FRMD3: variants seen among roughly 807,000 people sequenced by gnomAD.
FRMD3 encodes the protein FERM domain containing 3, also known as FERM domain-containing protein 3.
A neutral mutation model predicts 70.2 loss-of-function variants in FRMD3; 33 were observed. The observed-to-expected ratio is 0.47, with a 90% confidence interval of 0.36 to 0.63. The LOEUF (loss-of-function observed/expected upper bound fraction) is 0.63. FRMD3 is among the 20% of genes least tolerant of loss of function. FRMD3 has a pLI of 0.00. For missense variants in FRMD3, 632 were observed against 711.4 expected (o/e 0.89, Z 1.27); for synonymous variants, 279 against 255.9 (o/e 1.09, Z -0.86).
At chr9:83,527,342 C>T (rs1829705779) in intron 1 of FRMD3, among the ~76,000 whole-genome samples, 2 of 152,286 alleles carry the variant, frequency 1.3e-5, no homozygotes, top group South Asian at 4.1e-4. Context: ...TCATTCCATA[C>T]CCAGCAACAG....
chr9:83,285,687 T>C (rs1009084176), intron 13 of FRMD3, among the ~76,000 whole-genome samples: 5 of 152,168 alleles, frequency 3.3e-5, no homozygotes, highest in African/African-American at 7.2e-5. Context: ...TGAGAACATA[T>C]ACTCTACTGA....
At chr9:83,300,793 G>T (rs978188943) in intron 10 of FRMD3, among the ~76,000 whole-genome samples, 18 of 151,978 alleles carry the variant, frequency 1.2e-4, no homozygotes, top group African/African-American at 4.4e-4. Context: ...TCCTAATAAA[G>T]ATAAGTGAAT....
At chr9:83,578,188 A>C in the FRMD3 span, among the ~76,000 whole-genome samples, 18 of 152,068 alleles carry the variant, frequency 1.2e-4, no homozygotes, top group African/African-American at 4.3e-4. Context: ...CGTAATAAAA[A>C]ATTACCTCAT....
chr9:83,376,212 A>G (rs913151839), intron 2 of FRMD3, among the ~76,000 whole-genome samples: 1 of 150,844 alleles, frequency 6.6e-6, no homozygotes, highest in African/African-American at 2.4e-5. Context: ...TCCATGGCCC[A>G]GTAAGTTCTT....
chr9:83,357,223 ATTT>A (rs1181909046), intron 3 of FRMD3, among the ~76,000 whole-genome samples: 208 of 19,274 alleles, frequency 0.011, 19 homozygotes, highest in East Asian at 0.037. Flanking sequence ...GAATATATAT[ATTT>A]TATATATATA....
chr9:83,517,534 G>A (rs1213650297), intron 1 of FRMD3, among the ~76,000 whole-genome samples: 1 of 147,684 alleles, frequency 6.8e-6, no homozygotes, highest in Non-Finnish European at 1.5e-5. Flanking sequence ...TAGGACCGAT[G>A]GATTCACAGG....
In FRMD3 at chr9:83,538,292, G is replaced by T; in HGVS notation, c.-61C>A. On this transcript the variant is annotated 5_prime_UTR_variant, in exon 1 of 14. Transcript: ENST00000304195. This position sits in a 1 kb window ranked among gnomAD's most constrained non-coding sequence, Gnocchi z 4.7. ...GGCCGGCGCGGTGCTCGCCTGCGCG[G>T]ACACACACGCTCGCACGCACTGTCC... The T allele has an allele frequency of 6.6e-7, 1 of 1,504,808 alleles. No homozygotes were observed. Among genetic ancestry groups the T allele is most frequent in the South Asian group, 1.3e-5 (1 of 79,372 alleles). 93.2% of individuals were successfully genotyped at this position (1,504,808 alleles called of 1,614,324 possible). A position where few individuals can be genotyped will look rare whatever the true frequency, so the allele number is the denominator to read the frequency against.
chr9:83,538,760 CA>C (rs1318438400), upstream of FRMD3, among the ~76,000 whole-genome samples: 18 of 152,314 alleles, frequency 1.2e-4, no homozygotes, highest in African/African-American at 4.3e-4. The surrounding 1 kb of genome is among the most constrained non-coding windows in gnomAD (Gnocchi z 4.7). Context: ...CCCGGCTCCC[CA>C]ACGCGCTCGA....
chr9:83,370,606 T>C (rs1824939376), intron 3 of FRMD3, among the ~76,000 whole-genome samples: 1 of 152,144 alleles, frequency 6.6e-6, no homozygotes, highest in Non-Finnish European at 1.5e-5. Context: ...TTTACACCAT[T>C]CTAATAAGAC....
the FRMD3 span, among the ~76,000 whole-genome samples, chr9:83,545,559 G>GT: frequency 6.6e-6 from 1 of 151,650 alleles, no homozygotes; most frequent in East Asian, 1.9e-4. Context: ...GGGTTTCACC[G>GT]TGTTAGCCAG....
the FRMD3 span, among the ~76,000 whole-genome samples, chr9:83,548,847 T>C: frequency 6.6e-6 from 1 of 152,192 alleles, no homozygotes; most frequent in Non-Finnish European, 1.5e-5. Flanking sequence ...AAACTCTTTG[T>C]ACATTCTGCA....
intron 3 of FRMD3, among the ~76,000 whole-genome samples, chr9:83,357,227 TATATATATATAATACATAC>T (rs1463372284): frequency 2.6e-4 from 3 of 11,590 alleles, no homozygotes; most frequent in East Asian, 0.033. Context: ...ATATATATTT[TATATATATATAATACATAC>T]ATATATATAT....
chr9:83,455,185 C>T (rs1827782901), intron 1 of FRMD3, among the ~76,000 whole-genome samples: 1 of 152,174 alleles, frequency 6.6e-6, no homozygotes, highest in South Asian at 2.1e-4. Context: ...CCACCTTGAC[C>T]CCACTGAATT....
At chr9:83,492,883 C>T (rs1183096353) in intron 1 of FRMD3, among the ~76,000 whole-genome samples, 1 of 152,184 alleles carries the variant, frequency 6.6e-6, no homozygotes, top group East Asian at 1.9e-4. Flanking sequence ...CATAGCTCTC[C>T]CCTCTTCACC....
upstream of FRMD3, among the ~76,000 whole-genome samples, chr9:83,541,405 C>G (rs1829998092): frequency 6.6e-6 from 1 of 152,208 alleles, no homozygotes; most frequent in Non-Finnish European, 1.5e-5. Context: ...AGGAAATTCC[C>G]TGGTACATGT....
intron 2 of FRMD3, among the ~76,000 whole-genome samples, chr9:83,384,772 T>G (rs974117283): frequency 1.1e-4 from 17 of 152,134 alleles, no homozygotes; most frequent in African/African-American, 4.1e-4. Flanking sequence ...CCAAAGTAAA[T>G]CCCGTGTATT....
Position 83,247,150 on chromosome 9 carries a change from C to A in FRMD3, c.*768G>T. 1 of 985,212 alleles carries A rather than the reference C, an allele frequency of 1.0e-6. No individual in the cohort carries two copies. Among genetic ancestry groups the A allele is most frequent in the Non-Finnish European group, 1.2e-6 (1 of 829,726 alleles). The allele number at this position is 985,212 out of a possible 1,614,324, so 61.0% of individuals were successfully genotyped here. ...TGAAAAATGGACCACCCTGAGTCCA[C>A]TTGATGCTCTCAGTTTCTACATCCT... On this transcript the variant is annotated 3_prime_UTR_variant, in exon 14 of 14. Coordinates refer to ENST00000304195, the MANE Select transcript of FRMD3 (RefSeq NM_174938.6).
chr9:83,326,673 G>A (rs2131108331), intron 6 of FRMD3, among the ~76,000 whole-genome samples: 1 of 152,242 alleles, frequency 6.6e-6, no homozygotes, highest in African/African-American at 2.4e-5. Flanking sequence ...CTCCCACTGG[G>A]CATCTGTTTC....
chr9:83,466,809 T>G (rs1828139899), intron 1 of FRMD3, among the ~76,000 whole-genome samples: 1 of 152,172 alleles, frequency 6.6e-6, no homozygotes, highest in African/African-American at 2.4e-5. Flanking sequence ...ATAGGTCATG[T>G]GTGGGAGGTT....
Sources: allele counts gnomAD v4.1 joint callset (sites outside exome capture counted in the v4.1 genomes callset), GRCh38; gene constraint gnomAD v4.1.1; non-coding constraint Gnocchi (gnomAD v3.1); transcripts MANE v1.5; gene names NCBI Gene and HGNC (gene_info 2026-07-23, HGNC 2026-07-21).